ZNF609: variants seen among roughly 807,000 people sequenced by gnomAD.
ZNF609 encodes zinc finger protein 609.
ZNF609 carries 11 observed loss-of-function variants against 109.5 expected under a neutral mutation model. That is an observed-to-expected ratio of 0.10 (90% CI 0.06 to 0.17). The LOEUF is 0.17. ZNF609 is among the 10% of genes least tolerant of loss of function. The probability of loss-of-function intolerance (pLI) is 1.00; values close to 1 mark genes in which losing one functional copy is unlikely to be tolerated. For synonymous variants in ZNF609, 646 were observed against 662.0 expected (o/e 0.98, Z 0.37); for missense variants, 1,559 against 1,772.4 (o/e 0.88, Z 2.16).
intron 2 of ZNF609, among the ~76,000 whole-genome samples, chr15:64,572,898 T>C (rs952922333): frequency 2.0e-5 from 3 of 151,898 alleles, no homozygotes; most frequent in African/African-American, 7.3e-5. Flanking sequence ...CAAAACTCCG[T>C]CTTGAGAAAA....
intron 2 of ZNF609, among the ~76,000 whole-genome samples, chr15:64,599,478 T>G (rs922015002): frequency 6.6e-6 from 1 of 152,162 alleles, no homozygotes; most frequent in African/African-American, 2.4e-5. Flanking sequence ...TCAGAAATTC[T>G]AATCATACCT....
chr15:64,680,069 T>A, intron 6 of ZNF609, 116 bp from the exon 7 acceptor site: 1 of 1,132,936 alleles, frequency 8.8e-7, no homozygotes, highest in Non-Finnish European at 1.3e-6. Flanking sequence ...GACACTATGT[T>A]AGAAAATACC....
chr15:64,680,381 C>T (rs1371083170), intron 7 of ZNF609, 21 bp downstream of exon 7: 2 of 1,610,706 alleles, frequency 1.2e-6, no homozygotes, highest in Middle Eastern at 1.8e-4. Flanking sequence ...TACAGTGATG[C>T]TGGCTGTTAC....
At chr15:64,623,475 A>G (rs1895908755) in intron 3 of ZNF609, among the ~76,000 whole-genome samples, 1 of 152,204 alleles carries the variant, frequency 6.6e-6, no homozygotes, top group African/African-American at 2.4e-5. Context: ...CTCATTGCAT[A>G]TGCAGCTCTT....
At chr15:64,572,203 T>C (rs1455116081) in intron 2 of ZNF609, among the ~76,000 whole-genome samples, 2 of 152,208 alleles carry the variant, frequency 1.3e-5, no homozygotes, top group East Asian at 1.9e-4. Flanking sequence ...CCCTGAATAC[T>C]GTATTTAAAA....
chr15:64,672,341 C>T (rs1302422728), intron 4 of ZNF609, among the ~76,000 whole-genome samples: 3 of 149,584 alleles, frequency 2.0e-5, no homozygotes, highest in Non-Finnish European at 3.0e-5. Flanking sequence ...AGACTATATT[C>T]AGGCTGGGTG....
intron 2 of ZNF609, among the ~76,000 whole-genome samples, chr15:64,537,806 A>G (rs1894179864): frequency 6.6e-6 from 1 of 152,154 alleles, no homozygotes; most frequent in African/African-American, 2.4e-5. Flanking sequence ...TTGAAAATGT[A>G]TATCCTAGGG....
intron 3 of ZNF609, among the ~76,000 whole-genome samples, chr15:64,629,851 G>A (rs766076591): frequency 1.2e-4 from 18 of 152,112 alleles, no homozygotes; most frequent in Non-Finnish European, 2.4e-4. Flanking sequence ...GCTTTCTATT[G>A]TAAGTACTCT....
Position 64,680,297 on chromosome 15 carries a change from A to C in ZNF609, c.3882A>C (p.Ser1294=), listed in dbSNP as rs977243652. Reference sequence around the variant, plus strand: ...CCAGTGTGACTTGTAAATCCAGCTCAGAGTCCAAAGCCCTGGACATCTTGC... The same window carrying C: ...CCAGTGTGACTTGTAAATCCAGCTCCGAGTCCAAAGCCCTGGACATCTTGC... The part of the protein sequence containing the change: ...ASPSVTCKSS[S]ESKALDILQQ... Residue 1294 remains serine (S), a synonymous_variant, in exon 7 of 10, where the codon TCA becomes TCC. Transcript: ENST00000326648. The C allele has an allele frequency of 3.1e-6, 5 of 1,614,114 alleles. No individual in the cohort carries two copies. The highest frequency in any genetic ancestry group is 2.2e-5 in the East Asian group (1 of 44,898).
chr15:64,504,803 G>A (rs1351646488), intron 2 of ZNF609, among the ~76,000 whole-genome samples: 4 of 151,678 alleles, frequency 2.6e-5, no homozygotes, highest in Admixed American at 6.6e-5. Context: ...TTTAAGGCAG[G>A]GTCTCGCTAT....
At chr15:64,601,130 T>C (rs368127953) in intron 2 of ZNF609, among the ~76,000 whole-genome samples, 15 of 152,310 alleles carry the variant, frequency 9.8e-5, no homozygotes, top group African/African-American at 3.6e-4. Flanking sequence ...TAGTTGAACA[T>C]TGCCATTAAT....
At chr15:64,512,127 T>C (rs1893742865) in intron 2 of ZNF609, among the ~76,000 whole-genome samples, 1 of 152,056 alleles carries the variant, frequency 6.6e-6, no homozygotes, top group South Asian at 2.1e-4. Context: ...ATGCTTATGT[T>C]GGGGTCAGGC....
rs1296586213 is a variant in ZNF609 at position 64,593,171 on chromosome 15, C to T, written c.748-29656C>T. ...GAGCGTCTTCGATGCCTATGTGCTT[C>T]CCAAGCTGTATGTGAAGCTGCATTA... On this transcript the variant is annotated intron_variant, in intron 2 of 9. Coordinates refer to ENST00000326648, the MANE Select transcript of ZNF609 (RefSeq NM_015042.2). 4 of 1,541,246 alleles carry T rather than the reference C, an allele frequency of 2.6e-6. No individual in the cohort carries two copies. The African/African-American group carries it at 5.4e-5, about 21-fold the overall frequency.
At chr15:64,559,506 G>T (rs1055700686) in intron 2 of ZNF609, among the ~76,000 whole-genome samples, 3 of 152,194 alleles carry the variant, frequency 2.0e-5, no homozygotes, top group East Asian at 3.8e-4. Flanking sequence ...AAGCCTTTGC[G>T]TGAGGTATTC....
At chr15:64,656,460 A>G (rs957164542) in intron 3 of ZNF609, among the ~76,000 whole-genome samples, 3 of 152,050 alleles carry the variant, frequency 2.0e-5, no homozygotes, top group African/African-American at 7.2e-5. Context: ...AGCTTTTTCC[A>G]TATCTCCTTC....
chr15:64,578,481 C>G (rs1469631227), intron 2 of ZNF609, among the ~76,000 whole-genome samples: 3 of 151,866 alleles, frequency 2.0e-5, no homozygotes. Context: ...GATCACAAGG[C>G]CAGGAGTTCG....
intron 2 of ZNF609, among the ~76,000 whole-genome samples, chr15:64,577,047 T>TATATACATATATGTATATATACACAC (rs1894981329): frequency 4.3e-5 from 4 of 93,336 alleles, no homozygotes; most frequent in African/African-American, 1.4e-4. Flanking sequence ...TATATACACA[T>TATATACATATATGTATATATACACAC]AAATATATAC....
intron 2 of ZNF609, among the ~76,000 whole-genome samples, chr15:64,581,882 T>G (rs1309932266): frequency 1.3e-5 from 2 of 152,198 alleles, no homozygotes; most frequent in Non-Finnish European, 2.9e-5. Flanking sequence ...GAAGAGAATT[T>G]TCAAAGATCC....
At chr15:64,547,541 T>C (rs959161866) in intron 2 of ZNF609, among the ~76,000 whole-genome samples, 1 of 152,210 alleles carries the variant, frequency 6.6e-6, no homozygotes, top group African/African-American at 2.4e-5. Flanking sequence ...GGCCCTGTGC[T>C]CTAAAGAATG....
Sources: gnomAD v4.1 joint callset for allele counts (sites outside exome capture counted in the v4.1 genomes callset) on GRCh38, gnomAD v4.1.1 for gene constraint, MANE v1.5 for transcripts, NCBI Gene and HGNC (gene_info 2026-07-23, HGNC 2026-07-21) for gene names.